The following CNBD1 variants were observed in gnomAD, a reference collection of about 807,000 sequenced individuals.
CNBD1 encodes the protein cyclic nucleotide binding domain containing 1.
Under a neutral mutation model 54.4 loss-of-function variants are expected in CNBD1, and 71 were observed. The observed-to-expected ratio is 1.30, with a 90% CI of 1.08 to 1.59. The LOEUF (loss-of-function observed/expected upper bound fraction) is 1.59. Among genes scored for constraint, CNBD1 ranks in the 40% most tolerant of loss-of-function variants. CNBD1 has a pLI of 0.00. For synonymous variants in CNBD1, 182 were observed against 170.7 expected (o/e 1.07, Z -0.51); for missense variants, 659 against 518.0 (o/e 1.27, Z -2.64).
intron 4 of CNBD1, among the ~76,000 whole-genome samples, chr8:86,966,554 G>T (rs1808079520): frequency 6.6e-6 from 1 of 152,190 alleles, no homozygotes; most frequent in African/African-American, 2.4e-5. Context: ...AGCTCTTAAA[G>T]GTGGCACATC....
chr8:87,076,490 T>C (rs1185965420), intron 4 of CNBD1, among the ~76,000 whole-genome samples: 4 of 152,056 alleles, frequency 2.6e-5, no homozygotes, highest in African/African-American at 4.8e-5. Flanking sequence ...TTGCCCAGGC[T>C]TGAGTGCAGT....
chr8:87,363,132 CT>C (rs936537783), intron 10 of CNBD1, among the ~76,000 whole-genome samples: 1 of 152,060 alleles, frequency 6.6e-6, no homozygotes, highest in African/African-American at 2.4e-5. Context: ...TGTTAGTTTG[CT>C]GAAAATGATG....
rs185950619 is a variant in CNBD1 at position 87,423,182 on chromosome 8, C to T, written c.214-5364C>T. 8.4e-4 allele frequency among the ~76,000 whole-genome samples: 128 copies of T among 152,248 alleles called. 1 individual carries two copies. The South Asian group carries it at 8.5e-3, about 10-fold the overall frequency. ...GCTTTAAGGAGATTTTGGGCTGAGACGATGGGGTTTTCTAGATATACATTC... is the reference window on the plus strand; with the variant it reads ...GCTTTAAGGAGATTTTGGGCTGAGATGATGGGGTTTTCTAGATATACATTC... On this transcript the variant is annotated intron_variant, in intron 2 of 7. Transcript: ENST00000521593.
intron 4 of CNBD1, among the ~76,000 whole-genome samples, chr8:87,136,950 T>C: frequency 1.2e-5 from 1 of 83,340 alleles, no homozygotes; most frequent in Admixed American, 2.1e-4. Flanking sequence ...ATATTATATT[T>C]ATATTCTATG....
chr8:87,428,563 A>G lies in CNBD1; in HGVS notation c.232A>G (p.Lys78Glu), dbSNP rs538576373. Residue 78 changes from lysine to glutamate, a missense_variant, in exon 3 of 8, where the codon AAG becomes GAG. By Grantham distance (56) the Lys-to-Glu change is moderately conservative. Coordinates refer to the CNBD1 transcript ENST00000521593. ...TCATCTAGAATTAGACCCAGTGACC[A>G]AGCAACTTATGCTCCAAACAGCTAA... is the stretch of plus-strand genomic sequence containing the variant. 8.2e-5 allele frequency: 37 copies of G among 453,952 alleles called. 2 individuals are homozygous for G. Among genetic ancestry groups the G allele is most frequent in the South Asian group, 3.6e-4 (23 of 64,100 alleles). 28.1% of individuals were successfully genotyped at this position (453,952 alleles called of 1,614,324 possible). A position where few individuals can be genotyped will look rare whatever the true frequency, so the allele number is the denominator to read the frequency against.
intron 8 of CNBD1, among the ~76,000 whole-genome samples, chr8:87,307,899 A>G (rs1809191539): frequency 6.6e-6 from 1 of 152,072 alleles, no homozygotes; most frequent in Non-Finnish European, 1.5e-5. Context: ...GGTTTATACA[A>G]CTAGGAAGTT....
intron 4 of CNBD1, among the ~76,000 whole-genome samples, chr8:87,006,287 T>C (rs1809095968): frequency 6.6e-6 from 1 of 152,168 alleles, no homozygotes; most frequent in Admixed American, 6.5e-5. Flanking sequence ...GTGACCTTTA[T>C]GGAAGGTGAT....
At chr8:87,219,216 C>A (rs772550554) in intron 5 of CNBD1, among the ~76,000 whole-genome samples, 6 of 151,932 alleles carry the variant, frequency 3.9e-5, no homozygotes, top group Non-Finnish European at 8.8e-5. Context: ...ATTACTTCGA[C>A]TATAAAAACA....
chr8:87,376,421 G>A (rs1395179342), intron 10 of CNBD1, among the ~76,000 whole-genome samples: 6 of 151,768 alleles, frequency 4.0e-5, no homozygotes, highest in South Asian at 2.1e-4. Context: ...TACTAATACC[G>A]TCACATTGGA....
chr8:87,208,144 A>G (rs1814017330), intron 5 of CNBD1, among the ~76,000 whole-genome samples: 1 of 151,924 alleles, frequency 6.6e-6, no homozygotes, highest in Admixed American at 6.6e-5. Context: ...TGGGGCTTCC[A>G]TTTCTCTGGT....
At chr8:87,176,522 T>C (rs1234058714) in intron 4 of CNBD1, among the ~76,000 whole-genome samples, 1 of 150,650 alleles carries the variant, frequency 6.6e-6, no homozygotes, top group African/African-American at 2.4e-5. Context: ...TCACTCTTCT[T>C]ACCCAGGCTG....
chr8:87,090,591 A>G (rs1461956203), intron 4 of CNBD1, among the ~76,000 whole-genome samples: 6 of 151,902 alleles, frequency 3.9e-5, no homozygotes, highest in Admixed American at 6.6e-5. Flanking sequence ...GGTTTTTCCA[A>G]AAGCTATCTT....
chr8:87,368,655 A>T (rs1438586050), intron 10 of CNBD1, among the ~76,000 whole-genome samples: 1 of 151,906 alleles, frequency 6.6e-6, no homozygotes, highest in Non-Finnish European at 1.5e-5. Flanking sequence ...AGGGAGAGAG[A>T]GTGAGAGAGA....
At chr8:87,384,908 G>A (rs1180004984), downstream of CNBD1, among the ~76,000 whole-genome samples, 3 of 152,088 alleles carry the variant, frequency 2.0e-5, no homozygotes, top group African/African-American at 7.2e-5. Context: ...TGTAAAAGAT[G>A]GAATCAGAGT....
chr8:87,158,755 G>C (rs939010728), intron 4 of CNBD1, among the ~76,000 whole-genome samples: 1 of 152,124 alleles, frequency 6.6e-6, no homozygotes, highest in Non-Finnish European at 1.5e-5. Flanking sequence ...TGCTTAGTCT[G>C]ATTAGTTCAC....
At chr8:87,349,266 G>A (rs1429153569) in intron 8 of CNBD1, among the ~76,000 whole-genome samples, 1 of 152,158 alleles carries the variant, frequency 6.6e-6, no homozygotes, top group Non-Finnish European at 1.5e-5. Flanking sequence ...CATGATCAGA[G>A]GCTGAATGAG....
At chr8:86,899,783 C>T (rs898412944) in intron 2 of CNBD1, among the ~76,000 whole-genome samples, 3 of 152,092 alleles carry the variant, frequency 2.0e-5, no homozygotes, top group Non-Finnish European at 4.4e-5. Flanking sequence ...AATTCTTCAA[C>T]AGAGAATTTA....
chr8:87,424,536 C>G (rs1038477061), intron 2 of CNBD1, among the ~76,000 whole-genome samples: 6 of 152,286 alleles, frequency 3.9e-5, no homozygotes, highest in Middle Eastern at 3.4e-3. Flanking sequence ...GTTATGTACC[C>G]AGTAGTCATT....
chr8:87,351,791 AGTG>A lies in CNBD1; in HGVS notation c.1152_1152+2del, dbSNP rs763732904. The stretch of plus-strand genomic sequence containing the variant: ...GATTTGTGAAACTACGATCAAATAA[AGTG>A]GTAAGTTTTCAACATGTATTCTTTT... On this transcript the variant is annotated inframe_deletion and splice_region_variant, in exon 9 of 11. Transcript: ENST00000518476. 62 of 1,488,652 alleles carry A rather than the reference AGTG, an allele frequency of 4.2e-5. No homozygotes were observed. The highest frequency in any genetic ancestry group is 5.1e-5 in the Non-Finnish European group (57 of 1,124,234). The allele number at this position is 1,488,652 out of a possible 1,614,324, so 92.2% of individuals were successfully genotyped here. A position where few individuals can be genotyped will look rare whatever the true frequency, so the allele number is the denominator to read the frequency against.
Sources: allele counts gnomAD v4.1 joint callset (sites outside exome capture counted in the v4.1 genomes callset), GRCh38; gene constraint gnomAD v4.1.1; transcripts MANE v1.5; gene names NCBI Gene and HGNC (gene_info 2026-07-23, HGNC 2026-07-21).